The following GALNT13 variants were observed in gnomAD, a reference collection of about 807,000 sequenced individuals.
The protein encoded by GALNT13 is polypeptide N-acetylgalactosaminyltransferase 13.
In GALNT13, 28 loss-of-function variants were observed where a neutral mutation model predicts 64.2. The observed-to-expected ratio is 0.44, with a 90% CI of 0.32 to 0.60. GALNT13 has a LOEUF of 0.60. Ranked by LOEUF, GALNT13 falls within the 20% of genes least tolerant of loss-of-function variation. GALNT13 has a pLI of 0.05. For synonymous variants in GALNT13, 214 were observed against 224.6 expected, an observed-to-expected ratio of 0.95 and a Z score of 0.42; for missense variants, 577 against 669.8, an observed-to-expected ratio of 0.86 and a Z score of 1.53.
chr2:153,857,904 C>G, the GALNT13 span, among the ~76,000 whole-genome samples: 1 of 152,050 alleles, frequency 6.6e-6, no homozygotes, highest in Non-Finnish European at 1.5e-5. Context: ...CAGAGTAAGA[C>G]TTATGTGCCA....
chr2:153,085,016 T>A, the GALNT13 span, among the ~76,000 whole-genome samples: 1 of 152,192 alleles, frequency 6.6e-6, no homozygotes, highest in Admixed American at 6.5e-5. Context: ...CATGGACAAT[T>A]AAGTCCAGGC....
At chr2:153,735,714 A>C in the GALNT13 span, among the ~76,000 whole-genome samples, 6 of 152,182 alleles carry the variant, frequency 3.9e-5, no homozygotes, top group Admixed American at 3.9e-4. Flanking sequence ...TTAAGATCCC[A>C]TTGTTTCACA....
the GALNT13 span, among the ~76,000 whole-genome samples, chr2:153,799,929 T>C: frequency 6.6e-6 from 1 of 152,154 alleles, no homozygotes; most frequent in Admixed American, 6.5e-5. Flanking sequence ...TGTCAGGCAT[T>C]GAACATTTGT....
At chr2:153,501,237 G>C in the GALNT13 span, among the ~76,000 whole-genome samples, 1 of 152,182 alleles carries the variant, frequency 6.6e-6, no homozygotes, top group Non-Finnish European at 1.5e-5. Flanking sequence ...TACTCATGAA[G>C]AGGGAAGACT....
At chr2:154,358,300 T>G (rs1010399952) in intron 9 of GALNT13, among the ~76,000 whole-genome samples, 1 of 152,094 alleles carries the variant, frequency 6.6e-6, no homozygotes, top group African/African-American at 2.4e-5. Flanking sequence ...AGGTGATATA[T>G]TTTAGGTGAA....
the GALNT13 span, among the ~76,000 whole-genome samples, chr2:153,552,113 T>C: frequency 1.3e-5 from 2 of 152,124 alleles, no homozygotes; most frequent in African/African-American, 2.4e-5. Flanking sequence ...TGATCAAAAA[T>C]TGACCCCTGG....
intron 3 of GALNT13, among the ~76,000 whole-genome samples, chr2:153,982,310 A>G (rs1694517413): frequency 1.3e-5 from 2 of 152,108 alleles, no homozygotes; most frequent in Admixed American, 6.6e-5. Context: ...ATAATGCTAA[A>G]TGTATTTAAA....
chr2:154,430,258 A>G (rs1700652384), intron 11 of GALNT13, among the ~76,000 whole-genome samples: 1 of 152,224 alleles, frequency 6.6e-6, no homozygotes, highest in Non-Finnish European at 1.5e-5. Flanking sequence ...ACAATTCTAG[A>G]TACCGTAAAT....
At chr2:153,403,290 G>T in the GALNT13 span, among the ~76,000 whole-genome samples, 2 of 151,714 alleles carry the variant, frequency 1.3e-5, no homozygotes, top group African/African-American at 2.4e-5. Flanking sequence ...CCCGTTCTCA[G>T]ATCTCCAGCT....
At chr2:153,916,165 C>CTT (rs11375177) in intron 2 of GALNT13, among the ~76,000 whole-genome samples, 48 of 132,144 alleles carry the variant, frequency 3.6e-4, no homozygotes, top group South Asian at 9.7e-4. Flanking sequence ...TTTTCTTTTT[C>CTT]TTTTTTTTTT....
chr2:153,650,626 T>C, the GALNT13 span, among the ~76,000 whole-genome samples: 53 of 152,148 alleles, frequency 3.5e-4, no homozygotes, highest in African/African-American at 1.2e-3. Context: ...CCATGTTTAG[T>C]GCTTCCTTCA....
the GALNT13 span, among the ~76,000 whole-genome samples, chr2:153,779,590 T>C: frequency 6.6e-6 from 1 of 152,216 alleles, no homozygotes; most frequent in Non-Finnish European, 1.5e-5. Flanking sequence ...TTATTTCATA[T>C]TCTTATAAGC....
At chr2:153,110,161 G>A in the GALNT13 span, among the ~76,000 whole-genome samples, 3 of 152,056 alleles carry the variant, frequency 2.0e-5, no homozygotes, top group Non-Finnish European at 4.4e-5. Flanking sequence ...AATTCTATCA[G>A]TAAACAAATC....
intron 3 of GALNT13, among the ~76,000 whole-genome samples, chr2:154,035,814 G>T (rs1325820523): frequency 2.0e-5 from 3 of 151,772 alleles, no homozygotes; most frequent in Admixed American, 1.3e-4. Flanking sequence ...ATGAATTTTG[G>T]GGTTGTAGCA....
At chr2:154,090,193 A>C (rs1442751255) in intron 3 of GALNT13, among the ~76,000 whole-genome samples, 1 of 152,122 alleles carries the variant, frequency 6.6e-6, no homozygotes, top group African/African-American at 2.4e-5. Context: ...CTTTGAAGAA[A>C]TCAAAATATG....
At chr2:153,277,944 T>TTTTTTTTTTTTTTTTTTTA in the GALNT13 span, among the ~76,000 whole-genome samples, 1 of 134,694 alleles carries the variant, frequency 7.4e-6, no homozygotes, top group African/African-American at 2.8e-5. Context: ...TTTTTTTTTT[T>TTTTTTTTTTTTTTTTTTTA]GAGACAGAGT....
the GALNT13 span, among the ~76,000 whole-genome samples, chr2:153,313,009 C>A: frequency 6.6e-6 from 1 of 152,080 alleles, no homozygotes; most frequent in Non-Finnish European, 1.5e-5. Flanking sequence ...CCACACCAAT[C>A]GGAATGGCTG....
At chr2:153,084,597 T>C in the GALNT13 span, among the ~76,000 whole-genome samples, 5 of 152,124 alleles carry the variant, frequency 3.3e-5, no homozygotes, top group African/African-American at 4.8e-5. Context: ...ATTCTTCTTG[T>C]GATAGTGAAT....
the GALNT13 span, among the ~76,000 whole-genome samples, chr2:153,662,963 G>A: frequency 6.6e-6 from 1 of 152,108 alleles, no homozygotes; most frequent in Non-Finnish European, 1.5e-5. Context: ...ATCCACTCCT[G>A]TAGCAGCCTT....
Sources: allele counts gnomAD v4.1 joint callset (sites outside exome capture counted in the v4.1 genomes callset), GRCh38; gene constraint gnomAD v4.1.1; transcripts MANE v1.5; gene names NCBI Gene and HGNC (gene_info 2026-07-23, HGNC 2026-07-21).